CCNJL: variants seen among roughly 807,000 people sequenced by gnomAD.
CCNJL encodes cyclin-J-like protein.
Under a neutral mutation model 33.4 loss-of-function variants are expected in CCNJL, and 33 were observed. The observed-to-expected ratio is 0.99, with a 90% CI of 0.75 to 1.32. CCNJL has a LOEUF of 1.32. Among genes scored for constraint, CCNJL ranks in the 40% most tolerant of loss-of-function variants. The pLI is 0.00. For synonymous variants in CCNJL, 227 were observed against 220.9 expected (o/e 1.03, Z -0.24); for missense variants, 512 against 499.7 (o/e 1.02, Z -0.23).
chr5:160,282,966 A>AATATATATATACATAT (rs1554120708), intron 2 of CCNJL, among the ~76,000 whole-genome samples: 12 of 43,392 alleles, frequency 2.8e-4, no homozygotes, highest in South Asian at 8.4e-4. Context: ...CAGTCCTTGG[A>AATATATATATACATAT]ATATATATAT....
intron 1 of CCNJL, among the ~76,000 whole-genome samples, chr5:160,318,777 A>G (rs971205424): frequency 2.0e-5 from 3 of 152,212 alleles, no homozygotes; most frequent in Admixed American, 6.5e-5. Context: ...AATGAAATAT[A>G]TATGCATGTT....
chr5:160,281,680 TC>T (rs1196278573), intron 2 of CCNJL, among the ~76,000 whole-genome samples: 1 of 152,082 alleles, frequency 6.6e-6, no homozygotes, highest in Admixed American at 6.6e-5. Context: ...GAGAGGAGTC[TC>T]CCCCTCTTAC....
At chr5:160,311,133 A>G (rs753581227) in intron 2 of CCNJL, among the ~76,000 whole-genome samples, 31 of 151,942 alleles carry the variant, frequency 2.0e-4, no homozygotes, top group African/African-American at 7.5e-4. Flanking sequence ...CACCTTCCCA[A>G]TGCCCCTCAG....
upstream of CCNJL, among the ~76,000 whole-genome samples, chr5:160,316,629 T>C (rs947709273): frequency 3.9e-5 from 6 of 152,220 alleles, no homozygotes; most frequent in Admixed American, 6.5e-5. Flanking sequence ...CAGAGTCTTA[T>C]GTTTCCTTCG....
At chr5:160,317,657 G>C (rs571652883), upstream of CCNJL, among the ~76,000 whole-genome samples, 1 of 152,290 alleles carries the variant, frequency 6.6e-6, no homozygotes, top group Admixed American at 6.5e-5. Context: ...GAGTACCTGA[G>C]AGGCTGTGCT....
chr5:160,259,320 A>C, intron 4 of CCNJL, 149 bp downstream of exon 4: 2 of 652,648 alleles, frequency 3.1e-6, no homozygotes, highest in Non-Finnish European at 5.2e-6. Context: ...TTCTTTGCTT[A>C]CTGCCTGCAA....
chr5:160,298,035 A>T (rs1418146515), intron 2 of CCNJL, among the ~76,000 whole-genome samples: 1 of 152,152 alleles, frequency 6.6e-6, no homozygotes, highest in African/African-American at 2.4e-5. Context: ...CCTCTGCTCT[A>T]TGTGTGCCTT....
chr5:160,303,585 C>T (rs1373541531), intron 2 of CCNJL, among the ~76,000 whole-genome samples: 1 of 151,562 alleles, frequency 6.6e-6, no homozygotes, highest in Non-Finnish European at 1.5e-5. Context: ...AAAGGACACA[C>T]ACCAAAAATG....
At chr5:160,257,492 A>C (rs1207097682) in intron 4 of CCNJL, among the ~76,000 whole-genome samples, 11 of 151,512 alleles carry the variant, frequency 7.3e-5, no homozygotes, top group Admixed American at 7.2e-4. Flanking sequence ...AAAAATAAAA[A>C]ATAAAATAAA....
chr5:160,325,373 C>T (rs183757442), intron 1 of CCNJL, among the ~76,000 whole-genome samples: 1 of 152,222 alleles, frequency 6.6e-6, no homozygotes, highest in East Asian at 1.9e-4. Context: ...TCCTGCTTGC[C>T]CAATCTTATC....
chr5:160,264,409 G>A (rs1296532461), intron 3 of CCNJL, among the ~76,000 whole-genome samples: 1 of 152,056 alleles, frequency 6.6e-6, no homozygotes, highest in African/African-American at 2.4e-5. Context: ...ACCATTTCCT[G>A]AGGCTGGCAC....
At chr5:160,257,829 C>A (rs376925144) in intron 4 of CCNJL, among the ~76,000 whole-genome samples, 17 of 151,524 alleles carry the variant, frequency 1.1e-4, no homozygotes, top group Admixed American at 3.9e-4. Flanking sequence ...TCAGTTAATG[C>A]TTGGGATCAC....
chr5:160,306,654 T>C (rs527422782), intron 2 of CCNJL, among the ~76,000 whole-genome samples: 1 of 152,334 alleles, frequency 6.6e-6, no homozygotes, highest in Admixed American at 6.5e-5. Context: ...GTGGTGTGTG[T>C]CTTTGCTTAC....
chr5:160,263,368 T>G (rs1761432193), intron 3 of CCNJL, among the ~76,000 whole-genome samples: 1 of 152,242 alleles, frequency 6.6e-6, no homozygotes, highest in Non-Finnish European at 1.5e-5. Flanking sequence ...TAAAAATGCC[T>G]TTTATAACCT....
In CCNJL at chr5:160,255,594, C is replaced by T. The variant is rs1761025818; in HGVS notation, c.698G>A (p.Ser233Asn). Reference protein sequence around the residue: ...YWTRDLQRISSYSLEHLSTCI... With the variant: ...YWTRDLQRISNYSLEHLSTCI... The stretch of plus-strand genomic sequence containing the variant: ...CGTGCTGAGGTGCTCCAGGGAATAG[C>T]TTGAGATCCTCTGCAGGTCTCTGGT... The change falls in exon 5 of 6, where the codon AGC becomes AAC. Residue 233 changes from serine (S) to asparagine (N), a missense_variant. Transcript: ENST00000257536. The T allele has an allele frequency of 6.2e-7, 1 of 1,614,182 alleles. No homozygotes were observed. Among genetic ancestry groups the T allele is most frequent in the Non-Finnish European group, 8.5e-7 (1 of 1,180,016 alleles).
intron 2 of CCNJL, among the ~76,000 whole-genome samples, chr5:160,300,477 A>T (rs959997561): frequency 4.6e-5 from 7 of 152,210 alleles, no homozygotes; most frequent in African/African-American, 1.2e-4. Context: ...TGCCCAGGAC[A>T]ACTTTAAATG....
chr5:160,311,522 A>G (rs1763259032), intron 2 of CCNJL, among the ~76,000 whole-genome samples: 1 of 152,204 alleles, frequency 6.6e-6, no homozygotes, highest in African/African-American at 2.4e-5. Flanking sequence ...TGAATACACA[A>G]TATTTTTTAA....
Position 160,339,330 on chromosome 5 carries a change from T to G in CCNJL, n.206+115A>C, listed in dbSNP as rs1184646213. Reference sequence around the variant, plus strand: ...CAGAGTGAAAGTGATTATCACTTTGTAACTCTATATAATGAGCAACATGCA... The same window carrying G: ...CAGAGTGAAAGTGATTATCACTTTGGAACTCTATATAATGAGCAACATGCA... On this transcript the variant is annotated intron_variant and non_coding_transcript_variant, in intron 1 of 7. Transcript: ENST00000377503. 3 of 279,370 alleles carry G rather than the reference T, an allele frequency of 1.1e-5. No homozygotes were observed. The Admixed American group carries it at 1.4e-4, about 13-fold the overall frequency. 17.3% of individuals were successfully genotyped at this position (279,370 alleles called of 1,614,324 possible). A position where few individuals can be genotyped will look rare whatever the true frequency, so the allele number is the denominator to read the frequency against.
At chr5:160,292,668 A>G (rs569196479) in intron 2 of CCNJL, among the ~76,000 whole-genome samples, 4 of 136,826 alleles carry the variant, frequency 2.9e-5, no homozygotes, top group South Asian at 2.3e-4. Context: ...ATGTGTGTGT[A>G]TATATATATA....
Sources: gnomAD v4.1 joint callset for allele counts (sites outside exome capture counted in the v4.1 genomes callset) on GRCh38, gnomAD v4.1.1 for gene constraint, MANE v1.5 for transcripts, NCBI Gene and HGNC (gene_info 2026-07-23, HGNC 2026-07-21) for gene names.